The following RTN1 variants were observed in gnomAD, a reference collection of about 807,000 sequenced individuals.
The protein encoded by RTN1 is reticulon-1.
Under a neutral mutation model 65.5 loss-of-function variants are expected in RTN1, and 25 were observed. The observed-to-expected ratio is 0.38, with a 90% CI of 0.28 to 0.53. The LOEUF is 0.53. Ranked by LOEUF, RTN1 falls within the 20% of genes least tolerant of loss-of-function variation. The pLI, the probability that RTN1 is intolerant of heterozygous loss-of-function variation, is 0.79. For synonymous variants in RTN1, 471 were observed against 447.6 expected, an observed-to-expected ratio of 1.05 and a Z score of -0.66; for missense variants, 983 against 1,025.4, an observed-to-expected ratio of 0.96 and a Z score of 0.57.
chr14:59,642,856 T>C (rs1882809373), intron 3 of RTN1, among the ~76,000 whole-genome samples: 2 of 152,204 alleles, frequency 1.3e-5, no homozygotes, highest in African/African-American at 2.4e-5. Context: ...TCTAATAATA[T>C]CTTATAGCAT....
intron 3 of RTN1, among the ~76,000 whole-genome samples, chr14:59,624,456 T>G (rs933553787): frequency 6.6e-6 from 1 of 151,918 alleles, no homozygotes; most frequent in Non-Finnish European, 1.5e-5. Context: ...AATGGCTGTA[T>G]TTTCTTTTCT....
intron 3 of RTN1, among the ~76,000 whole-genome samples, chr14:59,696,125 G>A (rs12434368): frequency 0.65 from 98,707 of 152,058 alleles, 32,197 homozygotes; most frequent in South Asian, 0.73. Context: ...TCCAACAGCC[G>A]GCTAAGTCTT....
intron 1 of RTN1, among the ~76,000 whole-genome samples, chr14:59,860,920 C>T (rs1050248118): frequency 4.6e-5 from 7 of 152,098 alleles, no homozygotes; most frequent in Non-Finnish European, 8.8e-5. Flanking sequence ...ATGCCTGTAC[C>T]CCCACTGTAT....
chr14:59,714,184 G>A (rs891433664), intron 3 of RTN1, among the ~76,000 whole-genome samples: 8 of 150,878 alleles, frequency 5.3e-5, no homozygotes, highest in East Asian at 2.0e-4. Flanking sequence ...GCAGTTAGCC[G>A]AGATTGTGCC....
At chr14:59,625,603 T>A (rs192205899) in intron 3 of RTN1, among the ~76,000 whole-genome samples, 1 of 152,184 alleles carries the variant, frequency 6.6e-6, no homozygotes, top group Non-Finnish European at 1.5e-5. Flanking sequence ...CCTAGCCCTT[T>A]AGTTTCATTT....
intron 3 of RTN1, among the ~76,000 whole-genome samples, chr14:59,690,245 G>A (rs919972787): frequency 6.7e-6 from 1 of 149,416 alleles, no homozygotes; most frequent in Non-Finnish European, 1.5e-5. Context: ...ACACAGATAG[G>A]ATCAAAGGAA....
intron 1 of RTN1, among the ~76,000 whole-genome samples, chr14:59,826,998 A>G (rs1887042907): frequency 6.6e-6 from 1 of 152,192 alleles, no homozygotes; most frequent in Admixed American, 6.5e-5. Context: ...CTGGATGACA[A>G]GAAGCATCCA....
chr14:59,671,423 G>GA (rs1322563349), intron 3 of RTN1, among the ~76,000 whole-genome samples: 1 of 152,094 alleles, frequency 6.6e-6, no homozygotes, highest in Non-Finnish European at 1.5e-5. Flanking sequence ...AAAGAGCAGA[G>GA]AAAAACATTC....
chr14:59,833,221 T>A (rs1887157109), intron 1 of RTN1, among the ~76,000 whole-genome samples: 1 of 152,134 alleles, frequency 6.6e-6, no homozygotes. Context: ...TACATCTGGG[T>A]TAACTGTCAA....
chr14:59,810,021 C>G (rs1486268746), intron 1 of RTN1, among the ~76,000 whole-genome samples: 2 of 152,186 alleles, frequency 1.3e-5, no homozygotes, highest in African/African-American at 2.4e-5. Context: ...TAGCCCTGTG[C>G]TACCTGCAAG....
At chr14:59,853,330 T>C (rs1486844096) in intron 1 of RTN1, among the ~76,000 whole-genome samples, 6 of 152,224 alleles carry the variant, frequency 3.9e-5, no homozygotes, top group Non-Finnish European at 7.3e-5. Flanking sequence ...GCTATTTTCA[T>C]AGCTCTGATG....
chr14:59,762,210 T>A lies in RTN1; in HGVS notation c.242-15729A>T, dbSNP rs12586848. 3.3e-3 allele frequency among the ~76,000 whole-genome samples: 500 copies of A among 152,214 alleles called. 17 individuals are homozygous for A. The East Asian group carries it at 0.054, about 16-fold the overall frequency. Reference sequence around the variant, plus strand: ...GGCATCAGAGTCCTGGAATTGGACATCCCCATTGAATTACTGGCCTGGGGT... The same window carrying A: ...GGCATCAGAGTCCTGGAATTGGACAACCCCATTGAATTACTGGCCTGGGGT... On this transcript the variant is annotated intron_variant, in intron 1 of 8. Transcript: ENST00000267484.
chr14:59,759,202 C>T (rs944199362), intron 1 of RTN1, among the ~76,000 whole-genome samples: 2 of 152,166 alleles, frequency 1.3e-5, no homozygotes, highest in Non-Finnish European at 2.9e-5. Flanking sequence ...ATCTTAGGAT[C>T]TTATCCACAA....
rs755194426 is a variant in RTN1 at position 59,746,531 on chromosome 14, C to G, written c.242-50G>C. On this transcript the variant is annotated intron_variant, in intron 1 of 8. Transcript: ENST00000267484. ...AGTGAGTGGGTGCTTGGCGTCAGCT[C>G]TCTCTCTTGTCTAACCCACCACCCA... The G allele has an allele frequency of 2.7e-6, 4 of 1,490,454 alleles. No individual in the cohort carries two copies. The African/African-American group carries it at 5.6e-5, about 21-fold the overall frequency. 92.3% of individuals were successfully genotyped at this position (1,490,454 alleles called of 1,614,324 possible).
At chr14:59,685,728 T>G (rs952303872) in intron 3 of RTN1, among the ~76,000 whole-genome samples, 3 of 152,152 alleles carry the variant, frequency 2.0e-5, no homozygotes, top group African/African-American at 7.2e-5. Context: ...ATTGTTAACA[T>G]GTCCATCCTA....
intron 2 of RTN1, among the ~76,000 whole-genome samples, chr14:59,731,082 G>T (rs1884885716): frequency 6.6e-6 from 1 of 152,078 alleles, no homozygotes; most frequent in Non-Finnish European, 1.5e-5. Context: ...ATTCATAATA[G>T]CCAGAAAAGG....
chr14:59,741,712 C>T (rs976026239), intron 2 of RTN1, among the ~76,000 whole-genome samples: 1 of 152,192 alleles, frequency 6.6e-6, no homozygotes, highest in Non-Finnish European at 1.5e-5. Flanking sequence ...GTGTTCTCTG[C>T]CCCACTTCCC....
rs1190857083 is a variant in RTN1, at chr14:59,868,869, CCTTT to C, written c.241+1517_241+1520del. On this transcript the variant is annotated intron_variant, in intron 1 of 8. Coordinates refer to ENST00000267484, the MANE Select transcript of RTN1 (RefSeq NM_021136.3). This position sits in a 1 kb window ranked among gnomAD's most constrained non-coding sequence, Gnocchi z 4.0. ...GAATGGTAAAGACAAAAACTACCTT[CCTTT>C]GTCTATTATCATTTGCCATCTTCTT... Among the ~76,000 whole-genome samples, 1 of 152,112 alleles carries C rather than the reference CCTTT, an allele frequency of 6.6e-6. No individual in the cohort carries two copies. The highest frequency in any genetic ancestry group is 1.5e-5 in the Non-Finnish European group (1 of 68,022).
chr14:59,811,310 AC>A (rs1886724201), intron 1 of RTN1, among the ~76,000 whole-genome samples: 2 of 152,224 alleles, frequency 1.3e-5, no homozygotes, highest in African/African-American at 4.8e-5. Context: ...TGATGCAAAC[AC>A]AAGCAAATGA....
Sources: allele counts gnomAD v4.1 joint callset (sites outside exome capture counted in the v4.1 genomes callset), GRCh38; gene constraint gnomAD v4.1.1; non-coding constraint Gnocchi (gnomAD v3.1); transcripts MANE v1.5; gene names NCBI Gene and HGNC (gene_info 2026-07-23, HGNC 2026-07-21).